Variants in SUZ12 observed in about 807,000 individuals in gnomAD.
The protein encoded by SUZ12 is polycomb protein SUZ12.
Under a neutral mutation model 87.3 loss-of-function variants are expected in SUZ12, and 17 were observed. That is an observed-to-expected ratio of 0.19 (90% CI 0.13 to 0.29). The LOEUF (loss-of-function observed/expected upper bound fraction) is 0.29. Among genes scored for constraint, SUZ12 ranks in the 10% least tolerant of loss-of-function variants. SUZ12 has a pLI of 1.00. For missense variants in SUZ12, 526 were observed against 912.2 expected (o/e 0.58, Z 5.45); for synonymous variants, 253 against 312.4 (o/e 0.81, Z 2.01).
Position 32,000,197 on chromosome 17 carries a change from A to G in SUZ12, c.*1194A>G, listed in dbSNP as rs1245081259. On this transcript the variant is annotated 3_prime_UTR_variant, in exon 16 of 16. Coordinates refer to ENST00000322652, the MANE Select transcript of SUZ12 (RefSeq NM_015355.4). ...TTTTTATTATCCTTAAAGATATTGCATTTTCATATTCTTTATTTATAAAGG... is the reference window on the plus strand; with the variant it reads ...TTTTTATTATCCTTAAAGATATTGCGTTTTCATATTCTTTATTTATAAAGG... 4.3e-6 allele frequency: 1 copy of G among 233,156 alleles called. No homozygotes were observed. Among genetic ancestry groups the G allele is most frequent in the African/African-American group, 2.2e-5 (1 of 45,324 alleles). 14.4% of individuals were successfully genotyped at this position (233,156 alleles called of 1,614,324 possible).
intron 4 of SUZ12, among the ~76,000 whole-genome samples, chr17:31,959,692 A>G (rs1376614282): frequency 1.3e-5 from 2 of 152,164 alleles, no homozygotes; most frequent in Non-Finnish European, 2.9e-5. Flanking sequence ...AGAGGCACTA[A>G]TCTTGGTCTC....
At chr17:31,985,219 T>C (rs1052367125) in intron 9 of SUZ12, among the ~76,000 whole-genome samples, 2 of 147,828 alleles carry the variant, frequency 1.4e-5, no homozygotes, top group South Asian at 2.1e-4. Flanking sequence ...ACTGGCAATA[T>C]ATATAAAGTT....
At chr17:31,942,548 G>A (rs2142121041) in intron 3 of SUZ12, among the ~76,000 whole-genome samples, 2 of 151,818 alleles carry the variant, frequency 1.3e-5, no homozygotes, top group Admixed American at 1.3e-4. Context: ...TTTTGGCCTG[G>A]CTGGTCTTGA....
In SUZ12 at chr17:31,968,987, T is replaced by G. The variant is rs71375488; in HGVS notation, c.505+2791T>G. Among the ~76,000 whole-genome samples the G allele has an allele frequency of 8.7e-3, 1,318 of 152,342 alleles. 24 individuals carry two copies. Among genetic ancestry groups the G allele is most frequent in the African/African-American group, 0.03 (1,256 of 41,584 alleles). On this transcript the variant is annotated intron_variant, in intron 5 of 15. Transcript: ENST00000322652. ...AAAGAGATAGTGAACTCTGTTGATA[T>G]CTCTGTTTCCAGAAAATAATTCCTC... is the stretch of plus-strand genomic sequence containing the variant.
intron 10 of SUZ12, among the ~76,000 whole-genome samples, chr17:31,992,651 C>A (rs1304178652): frequency 6.6e-6 from 1 of 152,008 alleles, no homozygotes; most frequent in Non-Finnish European, 1.5e-5. Flanking sequence ...ACCTCGTGAT[C>A]CACCCGCCTC....
At chr17:31,978,823 T>C (rs12951763) in intron 8 of SUZ12, among the ~76,000 whole-genome samples, 31 of 151,860 alleles carry the variant, frequency 2.0e-4, no homozygotes, top group Middle Eastern at 6.8e-3. Context: ...TTTGAAAATA[T>C]TCACCCGGGC....
intron 4 of SUZ12, among the ~76,000 whole-genome samples, chr17:31,957,012 G>A (rs1469528998): frequency 6.6e-6 from 1 of 152,152 alleles, no homozygotes; most frequent in Admixed American, 6.5e-5. Flanking sequence ...CTGACCTCAA[G>A]TGATCCACCC....
chr17:31,980,598 G>A (rs556827427), intron 8 of SUZ12, among the ~76,000 whole-genome samples: 197 of 151,698 alleles, frequency 1.3e-3, no homozygotes, highest in African/African-American at 4.5e-3. Context: ...TAAGGCATGC[G>A]CCACCATGCC....
chr17:31,940,892 C>G (rs1906235301), intron 3 of SUZ12, among the ~76,000 whole-genome samples: 2 of 151,676 alleles, frequency 1.3e-5, no homozygotes, highest in South Asian at 4.2e-4. Context: ...TGCCTGTAAT[C>G]CCAGTTACTT....
At chr17:31,956,219 A>G (rs1907325375) in intron 4 of SUZ12, among the ~76,000 whole-genome samples, 1 of 149,424 alleles carries the variant, frequency 6.7e-6, no homozygotes, top group African/African-American at 2.5e-5. Flanking sequence ...AGCCAGTATT[A>G]CTATTTTTTT....
In SUZ12 at chr17:31,992,472, C is replaced by T. The variant is rs142475228; in HGVS notation, c.1202-770C>T. 2.1e-3 allele frequency among the ~76,000 whole-genome samples: 324 copies of T among 152,132 alleles called. 1 individual carries two copies. Among genetic ancestry groups the T allele is most frequent in the African/African-American group, 6.8e-3 (282 of 41,508 alleles). On this transcript the variant is annotated intron_variant, in intron 10 of 15. Coordinates refer to ENST00000322652, the MANE Select transcript of SUZ12 (RefSeq NM_015355.4). ...TCGCCCAGGCTGGAGTGTAGTGGTG[C>T]GATCTCAGCTCACTGCAAGCTCTGC...
At chr17:31,987,656 CGTG>C (rs1909485586) in intron 9 of SUZ12, among the ~76,000 whole-genome samples, 1 of 152,108 alleles carries the variant, frequency 6.6e-6, no homozygotes, top group Non-Finnish European at 1.5e-5. Context: ...CAAGGCCAGG[CGTG>C]GTGGCTCATG....
intron 4 of SUZ12, among the ~76,000 whole-genome samples, chr17:31,950,879 C>T (rs1217789763): frequency 6.6e-6 from 1 of 151,788 alleles, no homozygotes; most frequent in African/African-American, 2.4e-5. Context: ...CGCCGGGGTT[C>T]ACGCCATTCT....
chr17:31,945,234 G>A (rs1179264927), intron 3 of SUZ12, among the ~76,000 whole-genome samples: 2 of 152,032 alleles, frequency 1.3e-5, no homozygotes, highest in Non-Finnish European at 2.9e-5. Flanking sequence ...AGTGATTGTC[G>A]TTTCTCAAAA....
Position 32,000,016 on chromosome 17 carries a change from T to C in SUZ12, c.*1013T>C, listed in dbSNP as rs1055647990. 5 of 232,768 alleles carry C rather than the reference T, an allele frequency of 2.1e-5. No individual in the cohort carries two copies. Among genetic ancestry groups the C allele is most frequent in the Non-Finnish European group, 4.2e-5 (5 of 117,832 alleles). The allele number at this position is 232,768 out of a possible 1,614,324, so 14.4% of individuals were successfully genotyped here. A position where few individuals can be genotyped will look rare whatever the true frequency, so the allele number is the denominator to read the frequency against. Reference sequence around the variant, plus strand: ...ATAGAGATAAGCTGACTTGAATCATTTTGAGCAATTTTGCCCTGTGTTATA... The same window carrying C: ...ATAGAGATAAGCTGACTTGAATCATCTTGAGCAATTTTGCCCTGTGTTATA... On this transcript the variant is annotated 3_prime_UTR_variant, in exon 16 of 16. Coordinates refer to ENST00000322652, the MANE Select transcript of SUZ12 (RefSeq NM_015355.4).
At chr17:31,998,085 T>G (rs1910073354) in intron 15 of SUZ12, among the ~76,000 whole-genome samples, 2 of 150,890 alleles carry the variant, frequency 1.3e-5, no homozygotes, top group South Asian at 4.2e-4. Flanking sequence ...TAAATTTTTT[T>G]TTTTTTTTTT....
intron 4 of SUZ12, among the ~76,000 whole-genome samples, chr17:31,949,403 A>T (rs1267721180): frequency 2.0e-5 from 3 of 152,172 alleles, no homozygotes; most frequent in Non-Finnish European, 2.9e-5. Flanking sequence ...TTGGCCATTT[A>T]AGCCTCTCAA....
In SUZ12 at chr17:31,957,941, C is replaced by T. The variant is rs1219356673; in HGVS notation, c.456-8206C>T. On this transcript the variant is annotated intron_variant, in intron 4 of 15. Coordinates refer to ENST00000322652, the MANE Select transcript of SUZ12 (RefSeq NM_015355.4). ...TTTTTGAGACAGAGTCTTGCTCTGT[C>T]GCCCAGGCTGGAGTTCAGTGGCGCA... Among the ~76,000 whole-genome samples, 4 of 116,684 alleles carry T rather than the reference C, an allele frequency of 3.4e-5. No individual in the cohort carries two copies. The South Asian group carries it at 1.2e-3, about 34-fold the overall frequency. The allele number at this position is 116,684 out of a possible 152,430, so 76.5% of individuals were successfully genotyped here.
intron 15 of SUZ12, among the ~76,000 whole-genome samples, chr17:31,998,157 G>A (rs1430962564): frequency 6.8e-6 from 1 of 147,594 alleles, no homozygotes; most frequent in East Asian, 2.0e-4. Flanking sequence ...TCGACTCACT[G>A]CAAGCTCCAC....
Sources: allele counts gnomAD v4.1 joint callset (sites outside exome capture counted in the v4.1 genomes callset), GRCh38; gene constraint gnomAD v4.1.1; transcripts MANE v1.5; gene names NCBI Gene and HGNC (gene_info 2026-07-23, HGNC 2026-07-21).